FRMD3: variants seen among roughly 807,000 people sequenced by gnomAD.
FRMD3 encodes FERM domain-containing protein 3.
In FRMD3, 33 loss-of-function variants were observed where a neutral mutation model predicts 70.2. The ratio of observed to expected loss-of-function variants is 0.47; its 90% CI spans 0.36 to 0.63. The LOEUF (loss-of-function observed/expected upper bound fraction) is 0.63. Among genes scored for constraint, FRMD3 ranks in the 20% least tolerant of loss-of-function variants. FRMD3 has a pLI of 0.00. For synonymous variants in FRMD3, 279 were observed against 255.9 expected (o/e 1.09, Z -0.86); for missense variants, 632 against 711.4 (o/e 0.89, Z 1.27).
At chr9:83,344,836 T>C (rs1443942544) in intron 4 of FRMD3, among the ~76,000 whole-genome samples, 1 of 151,444 alleles carries the variant, frequency 6.6e-6, no homozygotes, top group Non-Finnish European at 1.5e-5. Context: ...TGTGTGTGTG[T>C]GTGTGTGTGT....
At chr9:83,308,290 C>T (rs542658474) in intron 10 of FRMD3, among the ~76,000 whole-genome samples, 1 of 152,280 alleles carries the variant, frequency 6.6e-6, no homozygotes, top group Non-Finnish European at 1.5e-5. Flanking sequence ...CCCCATCTAC[C>T]ACCACAACTT....
rs753599775 is a variant in FRMD3, at chr9:83,538,160, G to T, written c.72C>A (p.Ser24Arg). ...TCATCTCCTGGCTGAGCGATTTGAC[G>T]CTGGAGCTCCGAAAGTGGATCATTT... ...TMKMIHFRSS[S>R]VKSLSQEMRC... The change falls in exon 1 of 14, where the codon AGC becomes AGA. Residue 24 changes from serine to arginine, a missense_variant. By Grantham distance (110) the Ser-to-Arg change is moderately radical (BLOSUM62 -1). Around this residue, in one of 3 missense-constraint regions of FRMD3, gnomAD observed 208 missense variants for 247.7 expected, o/e 0.84. Transcript: ENST00000304195. The surrounding 1 kb of genome is among the most constrained non-coding windows in gnomAD (Gnocchi z 4.7). The T allele has an allele frequency of 6.2e-7, 1 of 1,612,908 alleles. No individual in the cohort carries two copies. Among genetic ancestry groups the T allele is most frequent in the Non-Finnish European group, 8.5e-7 (1 of 1,179,522 alleles).
At chr9:83,374,186 T>C (rs1158840972) in intron 2 of FRMD3, among the ~76,000 whole-genome samples, 2 of 152,004 alleles carry the variant, frequency 1.3e-5, no homozygotes, top group Non-Finnish European at 2.9e-5. Context: ...CTCAACTGTA[T>C]GGCCTCCTGG....
chr9:83,470,962 A>G (rs1222491767), intron 1 of FRMD3, among the ~76,000 whole-genome samples: 1 of 152,216 alleles, frequency 6.6e-6, no homozygotes, highest in Non-Finnish European at 1.5e-5. Flanking sequence ...AAACTAATTA[A>G]TGGTTACTAA....
Position 83,251,998 on chromosome 9 carries a change from C to T in FRMD3, c.1196-3482G>A, listed in dbSNP as rs148894435. Among the ~76,000 whole-genome samples, 963 of 152,268 alleles carry T rather than the reference C, an allele frequency of 6.3e-3. 9 individuals carry two copies. Among genetic ancestry groups the T allele is most frequent in the African/African-American group, 0.022 (896 of 41,550 alleles). ...TTCCCCAACCTAGCAAGACCTGCCA[C>T]CATTCAAACTCAGGAAATGCAGAGA... On this transcript the variant is annotated intron_variant, in intron 13 of 13. Transcript: ENST00000304195.
intron 1 of FRMD3, among the ~76,000 whole-genome samples, chr9:83,399,726 T>C (rs774583526): frequency 6.6e-5 from 10 of 152,234 alleles, no homozygotes; most frequent in Non-Finnish European, 1.3e-4. Flanking sequence ...TTGGTTATTA[T>C]AACCACATTT....
Position 83,381,691 on chromosome 9 carries a change from G to A in FRMD3, c.252+7913C>T, listed in dbSNP as rs116656099. Among the ~76,000 whole-genome samples the A allele has an allele frequency of 2.2e-3, 338 of 152,224 alleles. 3 individuals are homozygous for A. Among genetic ancestry groups the A allele is most frequent in the African/African-American group, 6.3e-3 (263 of 41,552 alleles). On this transcript the variant is annotated intron_variant, in intron 2 of 13. Coordinates refer to ENST00000304195, the MANE Select transcript of FRMD3 (RefSeq NM_174938.6). ...TAACAGCCAGAAGAAGAAACACTGC[G>A]CAAATCAGGGGAGGGGCCAGGAAGT...
intron 1 of FRMD3, among the ~76,000 whole-genome samples, chr9:83,411,161 C>A (rs1299900831): frequency 2.6e-5 from 4 of 152,186 alleles, no homozygotes; most frequent in Admixed American, 6.5e-5. Flanking sequence ...GTGCCTAAGG[C>A]TGCAGGCCAT....
rs78812866 is a variant in FRMD3 at position 83,277,884 on chromosome 9, G to T, written c.1195+12719C>A. On this transcript the variant is annotated intron_variant, in intron 13 of 13. Coordinates refer to ENST00000304195, the MANE Select transcript of FRMD3 (RefSeq NM_174938.6). ...TTGTACCGGAACATCCCTAAATGCT[G>T]GGAATAGTGAGGGAAACAAGGTAAA... Among the ~76,000 whole-genome samples the T allele has an allele frequency of 4.4e-4, 67 of 152,324 alleles. 1 individual carries two copies. The East Asian group carries it at 0.012, about 28-fold the overall frequency.
At chr9:83,577,534 C>T in the FRMD3 span, among the ~76,000 whole-genome samples, 1 of 152,022 alleles carries the variant, frequency 6.6e-6, no homozygotes, top group South Asian at 2.1e-4. Context: ...ACCCATTCCT[C>T]ACCATATATA....
intron 1 of FRMD3, among the ~76,000 whole-genome samples, chr9:83,485,589 C>T (rs1316363701): frequency 6.6e-6 from 1 of 152,194 alleles, no homozygotes; most frequent in Non-Finnish European, 1.5e-5. Context: ...ACAACCTGCA[C>T]TGATTCCCCA....
chr9:83,499,415 A>G (rs1165278998), intron 1 of FRMD3, among the ~76,000 whole-genome samples: 1 of 152,112 alleles, frequency 6.6e-6, no homozygotes, highest in African/African-American at 2.4e-5. Context: ...ATCTAACTTA[A>G]TGAGTAAAAA....
Position 83,426,964 on chromosome 9 carries a change from CT to C in FRMD3, c.148-37257del, listed in dbSNP as rs1377479900. Reference sequence around the variant, plus strand: ...AGCTGGTTTTGTGAAACCAAACAAACTTATTTCCCCTTAATGACATTGCTTC... The same window carrying C: ...AGCTGGTTTTGTGAAACCAAACAAACTATTTCCCCTTAATGACATTGCTTC... On this transcript the variant is annotated intron_variant, in intron 1 of 13. Coordinates refer to ENST00000304195, the MANE Select transcript of FRMD3 (RefSeq NM_174938.6). 2.0e-5 allele frequency among the ~76,000 whole-genome samples: 3 copies of C among 152,308 alleles called. No homozygotes were observed. In the East Asian group the frequency reaches 5.8e-4, roughly 29 times the overall value.
chr9:83,290,192 T>G (rs1422357905), intron 13 of FRMD3, among the ~76,000 whole-genome samples: 1 of 152,216 alleles, frequency 6.6e-6, no homozygotes, highest in African/African-American at 2.4e-5. Context: ...TCAGTCTCAG[T>G]GTCCAATATG....
At chr9:83,391,053 T>A (rs1017425724) in intron 1 of FRMD3, among the ~76,000 whole-genome samples, 3 of 152,122 alleles carry the variant, frequency 2.0e-5, no homozygotes, top group Admixed American at 6.6e-5. Flanking sequence ...GGTCAATGCC[T>A]TCCAAAAAGC....
chr9:83,375,729 TG>T (rs1322890795), intron 2 of FRMD3, among the ~76,000 whole-genome samples: 1 of 151,650 alleles, frequency 6.6e-6, no homozygotes, highest in Non-Finnish European at 1.5e-5. Context: ...GGGTGGAGGG[TG>T]GGAGGAGGGA....
intron 1 of FRMD3, among the ~76,000 whole-genome samples, chr9:83,414,224 G>A (rs940214152): frequency 1.3e-5 from 2 of 152,104 alleles, no homozygotes; most frequent in Admixed American, 1.3e-4. Flanking sequence ...TTGGCGAGAT[G>A]GTTGCACAAC....
At chr9:83,258,940 CCAACTATGGAATGCCCATTAAAA>C (rs377412795) in intron 13 of FRMD3, among the ~76,000 whole-genome samples, 96 of 152,298 alleles carry the variant, frequency 6.3e-4, no homozygotes, top group Middle Eastern at 3.4e-3. Context: ...ATGCTGGCAT[CCAACTATGGAATGCCCATTAAAA>C]CAACTATGGA....
At chr9:83,472,776 G>C (rs1361709459) in intron 1 of FRMD3, among the ~76,000 whole-genome samples, 1 of 151,960 alleles carries the variant, frequency 6.6e-6, no homozygotes, top group Non-Finnish European at 1.5e-5. Flanking sequence ...CCGATGAGAA[G>C]AAAGGATTTG....
Sources: gnomAD v4.1 joint callset for allele counts (sites outside exome capture counted in the v4.1 genomes callset) on GRCh38, gnomAD v4.1.1 for gene constraint, gnomAD v4.1.1 regional missense constraint, Gnocchi (gnomAD v3.1) non-coding constraint, MANE v1.5 for transcripts, NCBI Gene and HGNC (gene_info 2026-07-23, HGNC 2026-07-21) for gene names.